The following ACOX3 variants were observed in gnomAD, a reference collection of about 807,000 sequenced individuals.
ACOX3 encodes acyl-CoA oxidase 3, pristanoyl, also known as peroxisomal acyl-coenzyme A oxidase 3.
Under a neutral mutation model 81.5 loss-of-function variants are expected in ACOX3, and 73 were observed. The observed-to-expected ratio is 0.90, with a 90% confidence interval of 0.74 to 1.09. The LOEUF (loss-of-function observed/expected upper bound fraction) is 1.09, where lower values mean the gene tolerates loss of function less well. ACOX3 is among the 50% of genes least tolerant of loss of function. ACOX3 has a pLI of 0.00. For missense variants in ACOX3, 947 were observed against 928.0 expected (o/e 1.02, Z -0.27); for synonymous variants, 387 against 375.1 (o/e 1.03, Z -0.37).
rs116281866 is a variant in ACOX3, at chr4:8,397,017, C to T, written c.976G>A (p.Ala326Thr). ...CGCCGAGTGGCTGAGAAGCGAAGAGCGATGGCCACGGCCAGCTTTAGGTTA... is the reference window on the plus strand; with the variant it reads ...CGCCGAGTGGCTGAGAAGCGAAGAGTGATGGCCACGGCCAGCTTTAGGTTA... ...ILNLKLAVAI[A>T]LRFSATRRQF... The change falls in exon 9 of 18, where the codon GCT (alanine) becomes ACT (threonine). Residue 326 changes from alanine (A) to threonine (T), a missense_variant. Coordinates refer to ENST00000356406, the MANE Select transcript of ACOX3 (RefSeq NM_003501.3). 1.5e-5 allele frequency: 24 copies of T among 1,611,334 alleles called. No homozygotes were observed. The highest frequency in any genetic ancestry group is 4.0e-5 in the African/African-American group (3 of 74,894).
At chr4:8,360,191 C>A in the ACOX3 span, among the ~76,000 whole-genome samples, 5 of 152,094 alleles carry the variant, frequency 3.3e-5, no homozygotes, top group Non-Finnish European at 5.9e-5. Flanking sequence ...AAAATAAGTT[C>A]TTTATCTTCT....
At position 8,382,855 on chromosome 4, in the gene ACOX3, A is replaced by G. The variant is rs1717851530; in HGVS notation, c.1538-1248T>C. Among the ~76,000 whole-genome samples the G allele has an allele frequency of 6.6e-6, 1 of 152,014 alleles. No homozygotes were observed. Among genetic ancestry groups the G allele is most frequent in the African/African-American group, 2.4e-5 (1 of 41,406 alleles). ...AAAATACAAAAAATTAGCCGGGCGCAGTGGCAGGCGCCTGTAGTCCCAGCT... is the reference window on the plus strand; with the variant it reads ...AAAATACAAAAAATTAGCCGGGCGCGGTGGCAGGCGCCTGTAGTCCCAGCT... On this transcript the variant is annotated intron_variant, in intron 13 of 17. Coordinates refer to ENST00000356406, the MANE Select transcript of ACOX3 (RefSeq NM_003501.3). The surrounding 1 kb of genome is among the most constrained non-coding windows in gnomAD (Gnocchi z 4.1).
rs1330618175 is a variant in ACOX3, at chr4:8,416,714, GAGA to G, written c.-14-182_-14-180del. Among the ~76,000 whole-genome samples, 1 of 152,264 alleles carries G rather than the reference GAGA, an allele frequency of 6.6e-6. No individual in the cohort carries two copies. The highest frequency in any genetic ancestry group is 1.5e-5 in the Non-Finnish European group (1 of 68,046). On this transcript the variant is annotated intron_variant, in intron 1 of 17. Coordinates refer to ENST00000356406, the MANE Select transcript of ACOX3 (RefSeq NM_003501.3). This position sits in a 1 kb window ranked among gnomAD's most constrained non-coding sequence, Gnocchi z 4.2. ...GCATCATTTTCCCAGAAGAAAAGGC[GAGA>G]AGAATTCCCTCGTCCACTCCTGAAC...
At chr4:8,398,152 C>T (rs183555417) in intron 8 of ACOX3, among the ~76,000 whole-genome samples, 1 of 152,138 alleles carries the variant, frequency 6.6e-6, no homozygotes, top group Non-Finnish European at 1.5e-5. Context: ...GGTGACAGAG[C>T]AACACTCCAC....
chr4:8,380,474 C>T (rs1343965115), intron 14 of ACOX3, among the ~76,000 whole-genome samples: 1 of 152,196 alleles, frequency 6.6e-6, no homozygotes, highest in African/African-American at 2.4e-5. Context: ...CAGGTGTGAG[C>T]CACTGCACCT....
chr4:8,405,826 TC>T lies in ACOX3; in HGVS notation c.776+128del. The T allele has an allele frequency of 2.1e-6, 2 of 938,836 alleles. No homozygotes were observed. Among genetic ancestry groups the T allele is most frequent in the Non-Finnish European group, 3.4e-6 (2 of 586,240 alleles). The allele number at this position is 938,836 out of a possible 1,614,324, so 58.2% of individuals were successfully genotyped here. On this transcript the variant is annotated intron_variant, in intron 7 of 17. Coordinates refer to ENST00000356406, the MANE Select transcript of ACOX3 (RefSeq NM_003501.3). This position sits in a 1 kb window ranked among gnomAD's most constrained non-coding sequence, Gnocchi z 7.1. ...TGCATGCACGGGGGCTAGGCGTAGG[TC>T]CCCACCGCATTTGAGTCTAAGAGGG...
chr4:8,388,027 T>C (rs1718515591), intron 13 of ACOX3, among the ~76,000 whole-genome samples: 1 of 152,242 alleles, frequency 6.6e-6, no homozygotes, highest in Non-Finnish European at 1.5e-5. Context: ...CCACCAGGCC[T>C]CTTGCGCTCA....
At position 8,407,711 on chromosome 4, in the gene ACOX3, G is replaced by A. The variant is rs182723112; in HGVS notation, c.688-1668C>T. On this transcript the variant is annotated intron_variant, in intron 6 of 17. Coordinates refer to ENST00000356406, the MANE Select transcript of ACOX3 (RefSeq NM_003501.3). The surrounding 1 kb of genome is among the most constrained non-coding windows in gnomAD (Gnocchi z 4.6). ...GGCTGTGCAAATAGGTGTAGTGGGAGAAACGGCTATGAATATTCTGGTCAA... is the reference window on the plus strand; with the variant it reads ...GGCTGTGCAAATAGGTGTAGTGGGAAAAACGGCTATGAATATTCTGGTCAA... Among the ~76,000 whole-genome samples, 13 of 152,348 alleles carry A rather than the reference G, an allele frequency of 8.5e-5. No individual in the cohort carries two copies. Among genetic ancestry groups the A allele is most frequent in the Admixed American group, 1.3e-4 (2 of 15,304 alleles).
intron 1 of ACOX3, 144 bp downstream of exon 1, chr4:8,440,504 A>C (rs775815356): frequency 1.0e-5 from 3 of 287,972 alleles, no homozygotes; most frequent in Non-Finnish European, 1.9e-5. Flanking sequence ...TACGTTCACA[A>C]ACTTAGGCTC....
chr4:8,404,158 G>C (rs1046661858), intron 7 of ACOX3, among the ~76,000 whole-genome samples: 11 of 152,236 alleles, frequency 7.2e-5, no homozygotes, highest in African/African-American at 2.7e-4. Flanking sequence ...TCCTCCAGAT[G>C]GCTGGGGCTT....
chr4:8,414,412 C>A lies in ACOX3; in HGVS notation c.454-31G>T, dbSNP rs993719177. Reference sequence around the variant, plus strand: ...TGTCAAAGCACAAAATGATGGAAAGCAAGAAAAGTTCTTTGTGCACATTCC... The same window carrying A: ...TGTCAAAGCACAAAATGATGGAAAGAAAGAAAAGTTCTTTGTGCACATTCC... On this transcript the variant is annotated intron_variant, in intron 4 of 17. Transcript: ENST00000356406. The surrounding 1 kb of genome is among the most constrained non-coding windows in gnomAD (Gnocchi z 6.1). 1 of 1,589,164 alleles carries A rather than the reference C, an allele frequency of 6.3e-7. No homozygotes were observed. The highest frequency in any genetic ancestry group is 1.7e-5 in the Admixed American group (1 of 59,966).
In ACOX3 at chr4:8,401,277, G is replaced by GA. The variant is rs1286392935; in HGVS notation, c.777-1626dup. Among the ~76,000 whole-genome samples the GA allele has an allele frequency of 6.6e-5, 10 of 152,246 alleles. 1 individual carries two copies. In the South Asian group the frequency reaches 2.1e-3, roughly 32 times the overall value. On this transcript the variant is annotated intron_variant, in intron 7 of 17. Transcript: ENST00000356406. ...CACAGACTAGTACCACGGGGTTGGG[G>GA]ACCCCTGCCTACAGAATAGTCTTTT...
chr4:8,393,740 G>C (rs1453569344), intron 10 of ACOX3, among the ~76,000 whole-genome samples: 1 of 151,906 alleles, frequency 6.6e-6, no homozygotes, highest in Non-Finnish European at 1.5e-5. Flanking sequence ...CCTCTGCCTG[G>C]GTTAAACCAC....
At chr4:8,417,845 A>G (rs1323391794) in intron 1 of ACOX3, among the ~76,000 whole-genome samples, 1 of 152,248 alleles carries the variant, frequency 6.6e-6, no homozygotes, top group East Asian at 1.9e-4. Flanking sequence ...CAAATTCCTC[A>G]TCAGGAATCA....
At chr4:8,422,519 G>A (rs1053995762) in intron 1 of ACOX3, among the ~76,000 whole-genome samples, 2 of 152,160 alleles carry the variant, frequency 1.3e-5, no homozygotes, top group African/African-American at 4.8e-5. Flanking sequence ...GGAGCAGGCA[G>A]AACAGGACAA....
At position 8,373,624 on chromosome 4, in the gene ACOX3, T is replaced by C. The variant is rs766622476; in HGVS notation, c.1833A>G (p.Gly611=). Residue 611 remains glycine (G), a synonymous_variant, in exon 16 of 18, where the codon GGA becomes GGG. Coordinates refer to ENST00000356406, the MANE Select transcript of ACOX3 (RefSeq NM_003501.3). ...SRHAALLYRG[G]YFSGEQAGEV... The stretch of plus-strand genomic sequence containing the variant: ...CTCCCGCCTGCTCACCGGAGAAGTA[T>C]CCTCCTGCAAGCACAGCCTCGGTCA... 2 of 1,611,904 alleles carry C rather than the reference T, an allele frequency of 1.2e-6. No homozygotes were observed. Among genetic ancestry groups the C allele is most frequent in the Non-Finnish European group, 1.7e-6 (2 of 1,179,090 alleles).
chr4:8,395,468 G>C (rs1466929332), intron 9 of ACOX3, among the ~76,000 whole-genome samples: 1 of 152,156 alleles, frequency 6.6e-6, no homozygotes, highest in Non-Finnish European at 1.5e-5. Flanking sequence ...TGAGGAAACC[G>C]CCATCACCAC....
intron 7 of ACOX3, among the ~76,000 whole-genome samples, chr4:8,403,215 C>CT (rs1720559892): frequency 6.6e-6 from 1 of 152,180 alleles, no homozygotes; most frequent in Non-Finnish European, 1.5e-5. Context: ...ATTGTAACCA[C>CT]TTTTTTCAAG....
chr4:8,382,262 C>T lies in ACOX3; in HGVS notation c.1538-655G>A, dbSNP rs1478545196. 6.6e-6 allele frequency among the ~76,000 whole-genome samples: 1 copy of T among 152,212 alleles called. No homozygotes were observed. The highest frequency in any genetic ancestry group is 1.5e-5 in the Non-Finnish European group (1 of 68,020). Reference sequence around the variant, plus strand: ...TCAGGCAGGACAGCTGGAGACCCCCCTTCGTCCTCCCCTTCCCCTGGCAGT... The same window carrying T: ...TCAGGCAGGACAGCTGGAGACCCCCTTTCGTCCTCCCCTTCCCCTGGCAGT... On this transcript the variant is annotated intron_variant, in intron 13 of 17. Coordinates refer to ENST00000356406, the MANE Select transcript of ACOX3 (RefSeq NM_003501.3). This position sits in a 1 kb window ranked among gnomAD's most constrained non-coding sequence, Gnocchi z 4.1.
Sources: gnomAD v4.1 joint callset for allele counts (sites outside exome capture counted in the v4.1 genomes callset) on GRCh38, gnomAD v4.1.1 for gene constraint, Gnocchi (gnomAD v3.1) non-coding constraint, MANE v1.5 for transcripts, NCBI Gene and HGNC (gene_info 2026-07-23, HGNC 2026-07-21) for gene names.